Variants in CRACD observed in about 807,000 individuals in gnomAD.
CRACD encodes the protein capping protein-inhibiting regulator of actin dynamics.
A neutral mutation model predicts 106.8 loss-of-function variants in CRACD; 56 were observed. The ratio of observed to expected loss-of-function variants is 0.52; its 90% CI spans 0.42 to 0.66. The LOEUF (loss-of-function observed/expected upper bound fraction) is 0.66. CRACD is among the 30% of genes least tolerant of loss of function. The pLI, the probability that CRACD is intolerant of heterozygous loss-of-function variation, is 0.00. For synonymous variants in CRACD, 754 were observed against 670.8 expected (o/e 1.12, Z -1.92); for missense variants, 1,730 against 1,623.2 (o/e 1.07, Z -1.13).
At position 56,323,463 on chromosome 4, in the gene CRACD, T is replaced by G. The variant is rs1289364718; in HGVS notation, c.3274T>G (p.Leu1092Val). 6.2e-7 allele frequency: 1 copy of G among 1,611,728 alleles called. No individual in the cohort carries two copies. The highest frequency in any genetic ancestry group is 1.7e-5 in the Admixed American group (1 of 59,374). ...AACTGCTCAGCCGCTGTGGATAACGTTAGCACTGCAAAAGCAAAAGGGGTT... is the reference window on the plus strand; with the variant it reads ...AACTGCTCAGCCGCTGTGGATAACGGTAGCACTGCAAAAGCAAAAGGGGTT... ...VETAQPLWITLALQKQKGFRE... is the reference protein window; with the variant it reads ...VETAQPLWITVALQKQKGFRE... The change falls in exon 9 of 11, where the codon TTA becomes GTA. Residue 1092 changes from leucine (L) to valine (V), a missense_variant. Transcript: ENST00000682029.
intron 8 of CRACD, among the ~76,000 whole-genome samples, chr4:56,317,742 T>G (rs1745770446): frequency 6.6e-6 from 1 of 151,348 alleles, no homozygotes; most frequent in South Asian, 2.1e-4. Context: ...CTTGGGTCCC[T>G]CCATCCCCCC....
Position 56,181,266 on chromosome 4 carries a change from C to A in CRACD, c.-189+1836C>A, listed in dbSNP as rs543646032. 1.5e-4 allele frequency among the ~76,000 whole-genome samples: 23 copies of A among 152,196 alleles called. No homozygotes were observed. The East Asian group carries it at 4.4e-3, about 29-fold the overall frequency. On this transcript the variant is annotated intron_variant, in intron 2 of 10. Coordinates refer to ENST00000682029, the MANE Select transcript of CRACD (RefSeq NM_001393381.1). ...GAAAGGCAGGAAGTCAGGAGTTGGCCCTGGGCCTGTTCCAGGTAGAGGAAG... is the reference window on the plus strand; with the variant it reads ...GAAAGGCAGGAAGTCAGGAGTTGGCACTGGGCCTGTTCCAGGTAGAGGAAG...
At chr4:56,222,574 T>G (rs77773642) in intron 2 of CRACD, among the ~76,000 whole-genome samples, 9,513 of 152,152 alleles carry the variant, frequency 0.063, 998 homozygotes, top group African/African-American at 0.22. Context: ...TAAATAAAAA[T>G]AAATTTAAAA....
chr4:56,116,270 T>C (rs1177644594), intron 1 of CRACD, among the ~76,000 whole-genome samples: 1 of 152,170 alleles, frequency 6.6e-6, no homozygotes, highest in African/African-American at 2.4e-5. Flanking sequence ...GGAACTTTCC[T>C]GAGGAAAAAA....
chr4:56,222,144 TC>T (rs1739076182), intron 2 of CRACD, among the ~76,000 whole-genome samples: 1 of 152,196 alleles, frequency 6.6e-6, no homozygotes. Flanking sequence ...CAATCTGAGT[TC>T]CCATCAACCA....
rs1746741892 is a variant in CRACD at position 56,330,495 on chromosome 4, GA to G, written c.*2695del. Among the ~76,000 whole-genome samples the G allele has an allele frequency of 2.6e-5, 4 of 152,218 alleles. No individual in the cohort carries two copies. The South Asian group carries it at 6.2e-4, about 24-fold the overall frequency. ...ACCAACAGTAAAGTAGAGACTTAAT[GA>G]AAATACCTTAGTGTGATTTTAATAT... is the stretch of plus-strand genomic sequence containing the variant. On this transcript the variant is annotated 3_prime_UTR_variant, in exon 11 of 11. Transcript: ENST00000682029.
At chr4:56,057,840 A>G (rs1406812377) in intron 1 of CRACD, among the ~76,000 whole-genome samples, 1 of 40,024 alleles carries the variant, frequency 2.5e-5, no homozygotes, top group African/African-American at 2.3e-4. Context: ...TTTTTTTGAG[A>G]CGGAGTCTCG....
Position 56,214,896 on chromosome 4 carries a change from C to T in CRACD, c.-189+35466C>T, listed in dbSNP as rs375892575. 3.2e-4 allele frequency among the ~76,000 whole-genome samples: 47 copies of T among 147,428 alleles called. No individual in the cohort carries two copies. The East Asian group carries it at 6.3e-3, about 20-fold the overall frequency. On this transcript the variant is annotated intron_variant, in intron 2 of 10. Transcript: ENST00000682029. ...GTGTGGTGGTGTGCGCCTATAATCC[C>T]GGCTGAGGCAGGAGAATCATGTGAA...
intron 7 of CRACD, among the ~76,000 whole-genome samples, chr4:56,313,658 C>T (rs1221226632): frequency 1.3e-5 from 2 of 152,184 alleles, no homozygotes; most frequent in Non-Finnish European, 2.9e-5. Flanking sequence ...AGCCAATGCT[C>T]CCTCAGTTTG....
intron 1 of CRACD, among the ~76,000 whole-genome samples, chr4:56,114,027 A>G (rs927588807): frequency 6.6e-6 from 1 of 151,998 alleles, no homozygotes. Context: ...AATTTGGAGT[A>G]TGTTCATCAT....
At chr4:56,117,914 A>C (rs1734346617) in intron 1 of CRACD, among the ~76,000 whole-genome samples, 1 of 151,826 alleles carries the variant, frequency 6.6e-6, no homozygotes, top group Admixed American at 6.6e-5. Context: ...GCCTGCCACC[A>C]TGCCCAGCTA....
intron 1 of CRACD, among the ~76,000 whole-genome samples, chr4:56,119,357 G>T (rs990480777): frequency 6.6e-6 from 1 of 151,004 alleles, no homozygotes; most frequent in African/African-American, 2.4e-5. Context: ...TTCTGAGACA[G>T]TCTTCCTCTG....
intron 1 of CRACD, among the ~76,000 whole-genome samples, chr4:56,089,706 A>T (rs2412724): frequency 6.6e-6 from 1 of 151,462 alleles, no homozygotes; most frequent in Admixed American, 6.6e-5. Context: ...TAGAGGCGGG[A>T]TTTCTCTGGT....
chr4:56,171,074 A>C (rs958442149), intron 1 of CRACD, among the ~76,000 whole-genome samples: 1 of 152,172 alleles, frequency 6.6e-6, no homozygotes, highest in African/African-American at 2.4e-5. Flanking sequence ...GAAACAAATA[A>C]GATTTTTAAA....
chr4:56,158,786 A>G (rs148178807), intron 1 of CRACD, among the ~76,000 whole-genome samples: 36 of 152,344 alleles, frequency 2.4e-4, no homozygotes, highest in African/African-American at 8.2e-4. Flanking sequence ...TGAATTCTGA[A>G]TTTGCATATT....
chr4:56,220,330 T>C (rs1264307864), intron 2 of CRACD, among the ~76,000 whole-genome samples: 1 of 152,234 alleles, frequency 6.6e-6, no homozygotes, highest in Non-Finnish European at 1.5e-5. Context: ...GTCTCTGCTC[T>C]TGTAACCAAC....
chr4:56,310,017 T>TC (rs1745030210), intron 5 of CRACD, among the ~76,000 whole-genome samples: 2 of 103,010 alleles, frequency 1.9e-5, no homozygotes, highest in Admixed American at 9.5e-5. Context: ...AGACCCTGTC[T>TC]CAAAAAAAAA....
rs73162434 is a variant in CRACD, at chr4:56,260,002, C to G, written c.-188-12319C>G. On this transcript the variant is annotated intron_variant, in intron 2 of 10. Coordinates refer to ENST00000682029, the MANE Select transcript of CRACD (RefSeq NM_001393381.1). ...CTCAGAGATGCAGGTTTCAGTCTTC[C>G]CACCAAGCAAAGAATCACAAGCAAC... 2.5e-3 allele frequency among the ~76,000 whole-genome samples: 386 copies of G among 152,226 alleles called. 3 individuals carry two copies. Among genetic ancestry groups the G allele is most frequent in the African/African-American group, 8.9e-3 (370 of 41,534 alleles).
intron 2 of CRACD, among the ~76,000 whole-genome samples, chr4:56,257,336 C>T (rs1333084527): frequency 6.6e-6 from 1 of 151,904 alleles, no homozygotes; most frequent in Non-Finnish European, 1.5e-5. Flanking sequence ...CCTGCCTTGG[C>T]CTCCTAAAGT....
Sources: gnomAD v4.1 joint callset for allele counts (sites outside exome capture counted in the v4.1 genomes callset) on GRCh38, gnomAD v4.1.1 for gene constraint, MANE v1.5 for transcripts, NCBI Gene and HGNC (gene_info 2026-07-23, HGNC 2026-07-21) for gene names.